HTR4: variants seen among roughly 807,000 people sequenced by gnomAD.
HTR4 encodes 5-hydroxytryptamine receptor 4.
A neutral mutation model predicts 36.8 loss-of-function variants in HTR4; 16 were observed. The observed-to-expected ratio is 0.43, with a 90% CI of 0.29 to 0.66. HTR4 has a LOEUF of 0.66. Among genes scored for constraint, HTR4 ranks in the 30% least tolerant of loss-of-function variants. The pLI is 0.13. For missense variants in HTR4, 438 were observed against 490.9 expected (o/e 0.89, Z 1.02); for synonymous variants, 189 against 185.1 (o/e 1.02, Z -0.17).
At chr5:148,510,050 T>C (rs964192375) in intron 5 of HTR4, 26 bp from the exon 6 acceptor site, 2 of 1,475,352 alleles carry the variant, frequency 1.4e-6, no homozygotes, top group Non-Finnish European at 1.9e-6. Flanking sequence ...AGAGAGGAAA[T>C]GAGGAAAGGA....
At chr5:148,456,569 C>T (rs1381005432) in intron 5 of HTR4, among the ~76,000 whole-genome samples, 1 of 152,188 alleles carries the variant, frequency 6.6e-6, no homozygotes, top group African/African-American at 2.4e-5. Context: ...ACTCCCACCT[C>T]CTTGACACCT....
At chr5:148,458,099 AATATCTATTAAAT>A (rs1755164250) in intron 5 of HTR4, among the ~76,000 whole-genome samples, 1 of 53,796 alleles carries the variant, frequency 1.9e-5, no homozygotes, top group African/African-American at 4.7e-5. Context: ...ATTATATTTT[AATATCTATTAAAT>A]AGATCTTAAA....
In HTR4 at chr5:148,584,644, T is replaced by G. The variant is rs1256533018; in HGVS notation, c.27-34382A>C. ...CTTCCTAGGTGACAGACCCCAGTTTTGTTTGGGGGCACCAATATGCCCAAC... is the reference window on the plus strand; with the variant it reads ...CTTCCTAGGTGACAGACCCCAGTTTGGTTTGGGGGCACCAATATGCCCAAC... On this transcript the variant is annotated intron_variant, in intron 2 of 6. Coordinates refer to ENST00000377888, the MANE Select transcript of HTR4 (RefSeq NM_000870.7). 2.0e-5 allele frequency among the ~76,000 whole-genome samples: 3 copies of G among 152,140 alleles called. No individual in the cohort carries two copies. The East Asian group carries it at 5.8e-4, about 29-fold the overall frequency.
intron 2 of HTR4, among the ~76,000 whole-genome samples, chr5:148,559,987 A>G (rs1760122884): frequency 6.6e-6 from 1 of 151,996 alleles, no homozygotes; most frequent in Admixed American, 6.6e-5. Flanking sequence ...GTTTGTTCTC[A>G]TCTGTGTGGT....
chr5:148,582,264 A>G (rs966854181), intron 2 of HTR4, among the ~76,000 whole-genome samples: 2 of 152,076 alleles, frequency 1.3e-5, no homozygotes, highest in African/African-American at 4.8e-5. Flanking sequence ...TTTTATACAT[A>G]TAAGATCATG....
At chr5:148,576,128 A>AAAAAAC (rs1218308920) in intron 2 of HTR4, among the ~76,000 whole-genome samples, 78 of 144,610 alleles carry the variant, frequency 5.4e-4, no homozygotes, top group African/African-American at 1.8e-3. Flanking sequence ...AAAAAAAAAA[A>AAAAAAC]AAAAACAAAA....
intron 5 of HTR4, among the ~76,000 whole-genome samples, chr5:148,514,421 C>A (rs1375276072): frequency 6.6e-6 from 1 of 151,918 alleles, no homozygotes; most frequent in African/African-American, 2.4e-5. Flanking sequence ...CATTACAATT[C>A]CTGGAATGTC....
At chr5:148,515,183 T>C (rs1284407828) in intron 5 of HTR4, among the ~76,000 whole-genome samples, 1 of 152,160 alleles carries the variant, frequency 6.6e-6, no homozygotes, top group East Asian at 1.9e-4. Context: ...TTATTGGATA[T>C]ATATTCTTTT....
rs1581359398 is a variant in HTR4, at chr5:148,482,479, G to C, written c.*724C>G. 2 of 985,634 alleles carry C rather than the reference G, an allele frequency of 2.0e-6. No homozygotes were observed. Among genetic ancestry groups the C allele is most frequent in the East Asian group, 2.3e-4 (2 of 8,810 alleles). 61.1% of individuals were successfully genotyped at this position (985,634 alleles called of 1,614,324 possible). The stretch of plus-strand genomic sequence containing the variant: ...TCAGCTTCCCTCCAGAGTTGCTGTG[G>C]AGACCATTTTCCTCTGACAGATCTC... On this transcript the variant is annotated 3_prime_UTR_variant, in exon 7 of 7. Transcript: ENST00000377888.
intron 2 of HTR4, among the ~76,000 whole-genome samples, chr5:148,586,745 T>C (rs182010625): frequency 3.3e-4 from 50 of 152,290 alleles, no homozygotes; most frequent in Non-Finnish European, 1.6e-4. Flanking sequence ...AACTGATGTG[T>C]AGACAGGGCG....
intron 2 of HTR4, among the ~76,000 whole-genome samples, chr5:148,566,151 C>T (rs1760429788): frequency 6.6e-6 from 1 of 152,074 alleles, no homozygotes; most frequent in Non-Finnish European, 1.5e-5. Flanking sequence ...TTTATTAATA[C>T]ACAGCCATTG....
intron 5 of HTR4, among the ~76,000 whole-genome samples, chr5:148,456,783 A>G (rs2113687376): frequency 6.6e-6 from 1 of 152,360 alleles, no homozygotes; most frequent in South Asian, 2.1e-4. Flanking sequence ...GCCATTTACT[A>G]ATTCTGTGAA....
intron 2 of HTR4, chr5:148,628,910 T>C (rs952169242): frequency 1.3e-5 from 2 of 152,132 alleles, no homozygotes; most frequent in African/African-American, 4.8e-5. Context: ...CAAGTGACCC[T>C]TCCATCTAGA....
At chr5:148,524,152 C>T (rs182787103) in intron 4 of HTR4, among the ~76,000 whole-genome samples, 5 of 152,236 alleles carry the variant, frequency 3.3e-5, no homozygotes, top group Admixed American at 6.5e-5. Flanking sequence ...TGCATGTTGA[C>T]AAGTGTGAGT....
chr5:148,497,727 G>T (rs1561578770), intron 6 of HTR4, among the ~76,000 whole-genome samples: 1 of 152,246 alleles, frequency 6.6e-6, no homozygotes. Flanking sequence ...CAAGGACAAA[G>T]AGGCTGGCTC....
intron 4 of HTR4, among the ~76,000 whole-genome samples, chr5:148,524,748 T>C (rs985742104): frequency 6.6e-6 from 1 of 152,232 alleles, no homozygotes; most frequent in African/African-American, 2.4e-5. Context: ...TGAACCACCC[T>C]CATACACCCC....
chr5:148,623,207 A>T (rs1269336078), intron 2 of HTR4, among the ~76,000 whole-genome samples: 2 of 152,118 alleles, frequency 1.3e-5, no homozygotes, highest in Non-Finnish European at 2.9e-5. Flanking sequence ...CCTAAACCAC[A>T]ATTACCTGCT....
At chr5:148,510,250 G>A (rs558590712) in intron 5 of HTR4, among the ~76,000 whole-genome samples, 18 of 152,234 alleles carry the variant, frequency 1.2e-4, no homozygotes, top group Admixed American at 1.1e-3. Context: ...GCAAAGCTTT[G>A]GTTTTCTTAT....
chr5:148,544,355 G>A (rs952834933), intron 4 of HTR4, among the ~76,000 whole-genome samples: 2 of 146,070 alleles, frequency 1.4e-5, no homozygotes, highest in Non-Finnish European at 3.0e-5. Flanking sequence ...ACACACTCAT[G>A]TAAACCCAGA....
Sources: gnomAD v4.1 joint callset for allele counts (sites outside exome capture counted in the v4.1 genomes callset) on GRCh38, gnomAD v4.1.1 for gene constraint, MANE v1.5 for transcripts, NCBI Gene and HGNC (gene_info 2026-07-23, HGNC 2026-07-21) for gene names.